Variants in TRIM33 observed in about 807,000 individuals in gnomAD.
TRIM33 encodes tripartite motif containing 33.
Under a neutral mutation model 125.4 loss-of-function variants are expected in TRIM33, and 20 were observed. That is an observed-to-expected ratio of 0.16 (90% CI 0.11 to 0.23). The LOEUF is 0.23. TRIM33 is among the 10% of genes least tolerant of loss of function. The pLI is 1.00. For missense variants in TRIM33, 920 were observed against 1,411.4 expected (o/e 0.65, Z 5.58); for synonymous variants, 564 against 513.9 (o/e 1.10, Z -1.32).
At chr1:114,500,769 A>G (rs1320406274) in intron 1 of TRIM33, among the ~76,000 whole-genome samples, 1 of 152,142 alleles carries the variant, frequency 6.6e-6, no homozygotes, top group Non-Finnish European at 1.5e-5. Flanking sequence ...AGGAAAAACT[A>G]TTTTAATATA....
intron 1 of TRIM33, among the ~76,000 whole-genome samples, chr1:114,466,835 G>A (rs1039314102): frequency 2.6e-5 from 4 of 152,194 alleles, no homozygotes; most frequent in Non-Finnish European, 5.9e-5. Context: ...TCAGGTGACC[G>A]ATCTGCTCGC....
At chr1:114,444,106 C>A (rs543873221) in intron 4 of TRIM33, among the ~76,000 whole-genome samples, 2 of 152,220 alleles carry the variant, frequency 1.3e-5, no homozygotes, top group East Asian at 3.9e-4. Flanking sequence ...ATAACTGGAA[C>A]AGGGGGCTAG....
At chr1:114,459,309 T>C (rs771047601) in intron 4 of TRIM33, among the ~76,000 whole-genome samples, 7 of 152,254 alleles carry the variant, frequency 4.6e-5, no homozygotes, top group South Asian at 2.1e-4. Flanking sequence ...CATCCCTAAA[T>C]AATGAATCTC....
At chr1:114,420,962 G>A (rs1397690853) in intron 11 of TRIM33, among the ~76,000 whole-genome samples, 1 of 152,128 alleles carries the variant, frequency 6.6e-6, no homozygotes, top group African/African-American at 2.4e-5. Context: ...GCCAAGATAT[G>A]TAAGCAATCT....
intron 11 of TRIM33, chr1:114,420,561 T>A: frequency 1.9e-6 from 1 of 527,376 alleles, no homozygotes; most frequent in Non-Finnish European, 3.5e-6. Flanking sequence ...TCATACGACC[T>A]TCAATTCCCC....
At chr1:114,475,380 G>C (rs530885595) in intron 1 of TRIM33, among the ~76,000 whole-genome samples, 4 of 152,160 alleles carry the variant, frequency 2.6e-5, no homozygotes, top group African/African-American at 9.7e-5. Context: ...CTAAAAAACA[G>C]TAATAAAGGA....
chr1:114,427,893 T>C lies in TRIM33; in HGVS notation c.1157A>G (p.Asn386Ser), dbSNP rs541741337. 1 of 1,613,976 alleles carries C rather than the reference T, an allele frequency of 6.2e-7. No individual in the cohort carries two copies. The highest frequency in any genetic ancestry group is 1.3e-5 in the African/African-American group (1 of 75,028). ...CTTCATCTGTCTTTCCTTTGTAACA[T>C]TCTGAAACAGAACAAGAGCTTCGCT... ...KGKSLLQQLE[N>S]VTKERQMKLL... is the part of the protein sequence containing the mutation. The change falls in exon 7 of 20, where the codon AAT (asparagine) becomes AGT (serine). Residue 386 changes from asparagine to serine, a missense_variant and splice_region_variant. Physicochemically the swap from Asn to Ser is conservative, Grantham distance 46. Coordinates refer to ENST00000358465, the MANE Select transcript of TRIM33 (RefSeq NM_015906.4).
At chr1:114,507,989 C>T (rs575171874) in intron 1 of TRIM33, among the ~76,000 whole-genome samples, 3 of 152,144 alleles carry the variant, frequency 2.0e-5, no homozygotes, top group East Asian at 3.9e-4. Context: ...TGGTGATATG[C>T]GCCTGCAATC....
At chr1:114,508,825 C>T (rs1051015553) in intron 1 of TRIM33, among the ~76,000 whole-genome samples, 1 of 152,164 alleles carries the variant, frequency 6.6e-6, no homozygotes, top group African/African-American at 2.4e-5. Context: ...AATCACTTTA[C>T]ACATTTTATC....
chr1:114,510,906 G>A lies in TRIM33; in HGVS notation c.171C>T (p.Gly57=). Residue 57 remains glycine (G), a synonymous_variant, in exon 1 of 20, where the codon GGC becomes GGT. Coordinates refer to ENST00000358465, the MANE Select transcript of TRIM33 (RefSeq NM_015906.4). ...EEEGGRAGAE[G]GAAGPDDGGV... is the part of the protein sequence containing the mutation. ...CCCCGTCGTCGGGCCCGGCCGCGCC[G>A]CCCTCAGCGCCGGCCCTGCCGCCTT... The A allele has an allele frequency of 7.0e-7, 1 of 1,419,824 alleles. No individual in the cohort carries two copies. Among genetic ancestry groups the A allele is most frequent in the Non-Finnish European group, 9.1e-7 (1 of 1,093,924 alleles). The allele number at this position is 1,419,824 out of a possible 1,614,324, so 88.0% of individuals were successfully genotyped here. A position where few individuals can be genotyped will look rare whatever the true frequency, so the allele number is the denominator to read the frequency against.
rs1190852427 is a variant in TRIM33 at position 114,402,805 on chromosome 1, A to G, written c.2847T>C (p.Ser949=). Residue 949 remains serine (S), a synonymous_variant, in exon 16 of 20, where the codon AGT becomes AGC. Transcript: ENST00000358465. ...ACCCCTGCGCAGTTTTCCCCTTCTT[A>G]CTATGTTGCAAATTATCACAATCAT... ...VEYDCDNLQH[S]KKGKTAQGLS... The G allele has an allele frequency of 6.2e-7, 1 of 1,614,110 alleles. No individual in the cohort carries two copies. The highest frequency in any genetic ancestry group is 2.2e-5 in the East Asian group (1 of 44,874).
chr1:114,434,936 T>A (rs1648185768), intron 4 of TRIM33, among the ~76,000 whole-genome samples: 1 of 152,118 alleles, frequency 6.6e-6, no homozygotes, highest in Non-Finnish European at 1.5e-5. Context: ...AAAGTCAGAA[T>A]ATGAGACAAC....
Position 114,511,178 on chromosome 1 carries a change from G to C in TRIM33, c.-102C>G. The C allele has an allele frequency of 9.8e-7, 1 of 1,015,598 alleles. No individual in the cohort carries two copies. Among genetic ancestry groups the C allele is most frequent in the Non-Finnish European group, 1.2e-6 (1 of 843,334 alleles). The allele number at this position is 1,015,598 out of a possible 1,614,324, so 62.9% of individuals were successfully genotyped here. A position where few individuals can be genotyped will look rare whatever the true frequency, so the allele number is the denominator to read the frequency against. ...AGCCGCAGCCGCAGCAAGAGCGGCA[G>C]CCGAGAGCTAGCGAGAGAGCGAACC... On this transcript the variant is annotated 5_prime_UTR_variant, in exon 1 of 20. Transcript: ENST00000358465.
At chr1:114,439,649 C>A (rs74331919) in intron 4 of TRIM33, among the ~76,000 whole-genome samples, 2 of 151,402 alleles carry the variant, frequency 1.3e-5, no homozygotes, top group Non-Finnish European at 2.9e-5. Flanking sequence ...ATAGTAGTTA[C>A]GGATAAAAGT....
chr1:114,423,906 C>A (rs376261973), intron 10 of TRIM33, among the ~76,000 whole-genome samples: 4,001 of 152,030 alleles, frequency 0.026, 90 homozygotes, highest in Non-Finnish European at 0.034. Flanking sequence ...CAAGGTTGCC[C>A]ACTCCACCAA....
intron 10 of TRIM33, among the ~76,000 whole-genome samples, chr1:114,424,148 A>G (rs963263929): frequency 7.2e-6 from 1 of 138,490 alleles, no homozygotes; most frequent in Admixed American, 7.1e-5. Flanking sequence ...GAGAAAAGGT[A>G]AAAAAAAATA....
intron 4 of TRIM33, 98 bp downstream of exon 4, chr1:114,463,006 A>T: frequency 2.2e-6 from 2 of 924,406 alleles, no homozygotes; most frequent in Non-Finnish European, 3.0e-6. Flanking sequence ...TTAAAAGATT[A>T]AGACACAAAC....
intron 4 of TRIM33, among the ~76,000 whole-genome samples, chr1:114,441,158 A>C (rs1179169378): frequency 6.6e-6 from 1 of 152,212 alleles, no homozygotes; most frequent in Non-Finnish European, 1.5e-5. Context: ...ACATTTTAAA[A>C]AATGACTGGG....
At chr1:114,463,677 C>T in intron 2 of TRIM33, 121 bp from the exon 3 acceptor site, 2 of 632,720 alleles carry the variant, frequency 3.2e-6, no homozygotes, top group Non-Finnish European at 5.3e-6. Context: ...ATTTTGTTAT[C>T]CATTTATCTT....
Sources: allele counts gnomAD v4.1 joint callset (sites outside exome capture counted in the v4.1 genomes callset), GRCh38; gene constraint gnomAD v4.1.1; transcripts MANE v1.5; gene names NCBI Gene and HGNC (gene_info 2026-07-23, HGNC 2026-07-21).